Variants in LINGO2 observed in about 807,000 individuals in gnomAD.
LINGO2 encodes the protein leucine rich repeat and Ig domain containing 2.
In LINGO2, 14 loss-of-function variants were observed where a neutral mutation model predicts 30.6. The ratio of observed to expected loss-of-function variants is 0.46; its 90% CI spans 0.30 to 0.72. The LOEUF (loss-of-function observed/expected upper bound fraction) is 0.72, where lower values mean the gene tolerates loss of function less well. Ranked by LOEUF, LINGO2 falls within the 30% of genes least tolerant of loss-of-function variation. LINGO2 has a pLI of 0.07. For synonymous variants in LINGO2, 317 were observed against 288.5 expected (o/e 1.10, Z -1.00); for missense variants, 729 against 751.7 (o/e 0.97, Z 0.35).
At chr9:28,095,253 C>G (rs1826210691) in intron 4 of LINGO2, among the ~76,000 whole-genome samples, 2 of 152,082 alleles carry the variant, frequency 1.3e-5, no homozygotes, top group Admixed American at 6.6e-5. Context: ...ATCATCACAG[C>G]CCAATTAGCA....
chr9:28,737,124 T>G, the LINGO2 span, among the ~76,000 whole-genome samples: 1 of 152,172 alleles, frequency 6.6e-6, no homozygotes, highest in African/African-American at 2.4e-5. Context: ...AGTTTCTGCT[T>G]TTACTCTTGC....
chr9:28,135,745 C>T (rs1333511366), intron 4 of LINGO2, among the ~76,000 whole-genome samples: 1 of 152,072 alleles, frequency 6.6e-6, no homozygotes, highest in African/African-American at 2.4e-5. Flanking sequence ...CCAGAACTTC[C>T]TGCAGCTGAT....
At chr9:27,963,476 G>T (rs1266639538) in intron 5 of LINGO2, among the ~76,000 whole-genome samples, 1 of 152,198 alleles carries the variant, frequency 6.6e-6, no homozygotes, top group East Asian at 1.9e-4. Flanking sequence ...GATCATGGTT[G>T]TTGTATGTTG....
chr9:28,274,341 T>C (rs1056309022), intron 4 of LINGO2, among the ~76,000 whole-genome samples: 11 of 152,096 alleles, frequency 7.2e-5, no homozygotes, highest in African/African-American at 2.7e-4. Context: ...TGAGCACATA[T>C]TTTTTTGCTT....
chr9:28,040,394 T>C (rs548613049), intron 4 of LINGO2, among the ~76,000 whole-genome samples: 1 of 152,116 alleles, frequency 6.6e-6, no homozygotes, highest in African/African-American at 2.4e-5. Context: ...CTTCTCAACT[T>C]TAAGTGGTTG....
At chr9:28,351,475 C>A (rs1332710556) in intron 3 of LINGO2, among the ~76,000 whole-genome samples, 3 of 151,428 alleles carry the variant, frequency 2.0e-5, no homozygotes, top group Non-Finnish European at 4.4e-5. Flanking sequence ...CTGAATAGAC[C>A]AATAACAGGA....
At chr9:28,088,343 C>A (rs1288064281) in intron 4 of LINGO2, among the ~76,000 whole-genome samples, 1 of 151,978 alleles carries the variant, frequency 6.6e-6, no homozygotes, top group Non-Finnish European at 1.5e-5. Context: ...CTAGTATATA[C>A]ATTTGGACCA....
intron 2 of LINGO2, among the ~76,000 whole-genome samples, chr9:28,453,326 A>G (rs16913116): frequency 0.024 from 3,708 of 152,004 alleles, 142 homozygotes; most frequent in African/African-American, 0.082. Context: ...GTACTGTATA[A>G]CAAATGCTCG....
At chr9:29,097,042 C>A in the LINGO2 span, among the ~76,000 whole-genome samples, 1 of 138,404 alleles carries the variant, frequency 7.2e-6, no homozygotes, top group African/African-American at 2.7e-5. Flanking sequence ...TCTGCAAATT[C>A]CCAAGATAGC....
chr9:29,179,444 A>G, the LINGO2 span, among the ~76,000 whole-genome samples: 1 of 151,896 alleles, frequency 6.6e-6, no homozygotes, highest in Non-Finnish European at 1.5e-5. Context: ...TCACTCTGTC[A>G]CCCAGGCTGG....
At chr9:27,971,836 CAA>C (rs1339534278) in intron 5 of LINGO2, among the ~76,000 whole-genome samples, 1 of 152,100 alleles carries the variant, frequency 6.6e-6, no homozygotes, top group East Asian at 1.9e-4. Flanking sequence ...AAAGTGCTGA[CAA>C]AATTTTTCCT....
In LINGO2 at chr9:28,408,544, C is replaced by G. The variant is rs1587628527; in HGVS notation, c.-278-35676G>C. Among the ~76,000 whole-genome samples the G allele has an allele frequency of 2.0e-5, 3 of 150,530 alleles. No individual in the cohort carries two copies. The East Asian group carries it at 5.9e-4, about 30-fold the overall frequency. The stretch of plus-strand genomic sequence containing the variant: ...GACAAAAAACCAAACACTGCATGTT[C>G]TCACTCATAGGTGGGAATTGAACAA... On this transcript the variant is annotated intron_variant, in intron 2 of 5. Transcript: ENST00000379992.
chr9:28,313,742 T>G (rs944510243), intron 3 of LINGO2, among the ~76,000 whole-genome samples: 1 of 152,196 alleles, frequency 6.6e-6, no homozygotes, highest in Non-Finnish European at 1.5e-5. Context: ...CTTTCCCTAA[T>G]GCAAACTGGA....
chr9:28,259,150 C>T (rs914132749), intron 4 of LINGO2, among the ~76,000 whole-genome samples: 1 of 151,744 alleles, frequency 6.6e-6, no homozygotes, highest in African/African-American at 2.4e-5. Context: ...ATTTGATCTC[C>T]CCAGTATTGA....
chr9:28,875,516 A>G, the LINGO2 span, among the ~76,000 whole-genome samples: 1 of 152,102 alleles, frequency 6.6e-6, no homozygotes, highest in African/African-American at 2.4e-5. Context: ...AGTATCCTTT[A>G]TAGCTATTTT....
At chr9:28,625,651 G>A (rs1826626732) in intron 1 of LINGO2, among the ~76,000 whole-genome samples, 2 of 151,978 alleles carry the variant, frequency 1.3e-5, no homozygotes, top group East Asian at 1.9e-4. Flanking sequence ...AATGAGGTAT[G>A]CCCATTTTTT....
intron 3 of LINGO2, among the ~76,000 whole-genome samples, chr9:28,346,062 T>C (rs1447749394): frequency 6.6e-6 from 1 of 152,204 alleles, no homozygotes; most frequent in Non-Finnish European, 1.5e-5. Flanking sequence ...GACCATCATT[T>C]AAAAAAGCTT....
At chr9:28,759,314 A>G in the LINGO2 span, among the ~76,000 whole-genome samples, 1 of 152,082 alleles carries the variant, frequency 6.6e-6, no homozygotes, top group Non-Finnish European at 1.5e-5. Flanking sequence ...ATTGTATAGA[A>G]AGTAAAGAAG....
At chr9:28,745,529 A>T in the LINGO2 span, among the ~76,000 whole-genome samples, 1 of 152,036 alleles carries the variant, frequency 6.6e-6, no homozygotes, top group Non-Finnish European at 1.5e-5. Flanking sequence ...TTCTTAGGAA[A>T]ATTCCCAGAC....
Sources: gnomAD v4.1 joint callset for allele counts (sites outside exome capture counted in the v4.1 genomes callset) on GRCh38, gnomAD v4.1.1 for gene constraint, MANE v1.5 for transcripts, NCBI Gene and HGNC (gene_info 2026-07-23, HGNC 2026-07-21) for gene names.